MYO3A: variants seen among roughly 807,000 people sequenced by gnomAD.
MYO3A encodes the protein myosin IIIA.
In MYO3A, 180 loss-of-function variants were observed where a neutral mutation model predicts 192.7. The ratio of observed to expected loss-of-function variants is 0.93; its 90% CI spans 0.83 to 1.06. MYO3A has a LOEUF of 1.06. Ranked by LOEUF, MYO3A falls within the 50% of genes least tolerant of loss-of-function variation. The pLI, the probability that MYO3A is intolerant of heterozygous loss-of-function variation, is 0.00. For synonymous variants in MYO3A, 628 were observed against 645.3 expected (o/e 0.97, Z 0.41); for missense variants, 1,896 against 1,905.0 (o/e 1.00, Z 0.09).
intron 31 of MYO3A, among the ~76,000 whole-genome samples, chr10:26,187,734 A>T (rs1470105070): frequency 6.8e-6 from 1 of 146,612 alleles, no homozygotes; most frequent in Admixed American, 7.2e-5. Flanking sequence ...GAGTGAGAAC[A>T]TGCAGTGTTT....
At chr10:25,971,554 A>T (rs1838645251) in intron 4 of MYO3A, among the ~76,000 whole-genome samples, 1 of 152,086 alleles carries the variant, frequency 6.6e-6, no homozygotes, top group South Asian at 2.1e-4. Flanking sequence ...GAGTTCTGTC[A>T]ATTTTGTTTA....
In MYO3A at chr10:26,125,251, T is replaced by C. The variant is rs151249856; in HGVS notation, c.1904-147T>C. On this transcript the variant is annotated intron_variant, in intron 18 of 34. Coordinates refer to ENST00000642920, the MANE Select transcript of MYO3A (RefSeq NM_017433.5). ...TGATCAAGAAGAGACATAGGACTCA[T>C]GTTGGATAGTATCATATTTTTACAT... is the stretch of plus-strand genomic sequence containing the variant. 6,351 of 781,620 alleles carry C rather than the reference T, an allele frequency of 8.1e-3. 37 individuals carry two copies. Among genetic ancestry groups the C allele is most frequent in the Non-Finnish European group, 0.011 (5,015 of 462,364 alleles). 48.4% of individuals were successfully genotyped at this position (781,620 alleles called of 1,614,324 possible). A position where few individuals can be genotyped will look rare whatever the true frequency, so the allele number is the denominator to read the frequency against.
intron 34 of MYO3A, among the ~76,000 whole-genome samples, chr10:26,206,275 G>A (rs1208184856): frequency 6.6e-6 from 1 of 150,576 alleles, no homozygotes; most frequent in Non-Finnish European, 1.5e-5. Flanking sequence ...TGGCCAGGCT[G>A]GTCTTGAACT....
chr10:26,144,695 CTG>C (rs914457447), intron 21 of MYO3A, among the ~76,000 whole-genome samples: 5 of 152,272 alleles, frequency 3.3e-5, no homozygotes, highest in Admixed American at 2.6e-4. Context: ...TGACATCAAA[CTG>C]TGTTTTACAA....
chr10:26,179,218 C>T (rs939724650), intron 31 of MYO3A, among the ~76,000 whole-genome samples: 5 of 150,810 alleles, frequency 3.3e-5, no homozygotes, highest in African/African-American at 1.2e-4. Context: ...CCTGCCTCAG[C>T]CTCCCCAGTA....
intron 3 of MYO3A, among the ~76,000 whole-genome samples, 185 bp downstream of exon 3, chr10:25,952,463 TA>T (rs1837270409): frequency 6.6e-6 from 1 of 152,120 alleles, no homozygotes; most frequent in African/African-American, 2.4e-5. Flanking sequence ...GTATATGTAA[TA>T]AGGCACAATA....
At chr10:26,037,020 G>A (rs935389537) in intron 10 of MYO3A, among the ~76,000 whole-genome samples, 1 of 151,948 alleles carries the variant, frequency 6.6e-6, no homozygotes, top group African/African-American at 2.4e-5. Context: ...CCGTCTATTA[G>A]TCTTGCCATG....
At chr10:26,080,634 G>A (rs1835867285) in intron 14 of MYO3A, among the ~76,000 whole-genome samples, 2 of 149,550 alleles carry the variant, frequency 1.3e-5, no homozygotes, top group South Asian at 4.3e-4. Context: ...GCCTTGTTTT[G>A]TCATATTACC....
intron 14 of MYO3A, among the ~76,000 whole-genome samples, chr10:26,081,477 G>A (rs374234644): frequency 1.1e-4 from 17 of 152,208 alleles, no homozygotes; most frequent in African/African-American, 3.6e-4. Context: ...AAAACCTGCC[G>A]CAGGCTATCC....
At chr10:26,154,470 A>G (rs748872354) in intron 24 of MYO3A, among the ~76,000 whole-genome samples, 1 of 152,156 alleles carries the variant, frequency 6.6e-6, no homozygotes, top group Non-Finnish European at 1.5e-5. Context: ...ATGAGCCACC[A>G]TGCCTAGCCC....
intron 10 of MYO3A, among the ~76,000 whole-genome samples, chr10:26,053,179 A>G (rs552747822): frequency 1.4e-4 from 21 of 146,514 alleles, no homozygotes; most frequent in Non-Finnish European, 2.3e-4. Flanking sequence ...TTATCTTGAA[A>G]CATATTTAAT....
intron 14 of MYO3A, among the ~76,000 whole-genome samples, chr10:26,075,425 T>C (rs12268184): frequency 0.69 from 104,200 of 151,006 alleles, 36,143 homozygotes; most frequent in Middle Eastern, 0.76. Flanking sequence ...TCCCTTGCCC[T>C]GCTCCAGTTC....
At chr10:26,159,609 G>C (rs533616325) in intron 26 of MYO3A, among the ~76,000 whole-genome samples, 1 of 152,068 alleles carries the variant, frequency 6.6e-6, no homozygotes, top group South Asian at 2.1e-4. Flanking sequence ...TTGATCTCCT[G>C]ACCTCGTGAT....
intron 14 of MYO3A, among the ~76,000 whole-genome samples, chr10:26,084,750 C>T (rs915083430): frequency 1.3e-5 from 2 of 152,188 alleles, no homozygotes; most frequent in Admixed American, 1.3e-4. Flanking sequence ...GCTGTCCTCC[C>T]ATCTTGGCCT....
At chr10:26,200,665 G>A (rs572241496) in intron 32 of MYO3A, among the ~76,000 whole-genome samples, 7 of 152,112 alleles carry the variant, frequency 4.6e-5, no homozygotes, top group African/African-American at 7.2e-5. Flanking sequence ...CCATATTTGC[G>A]TATCTTAATT....
In MYO3A at chr10:26,212,026, A is replaced by C; in HGVS notation, c.*63A>C. The C allele has an allele frequency of 6.3e-7, 1 of 1,580,144 alleles. No homozygotes were observed. The highest frequency in any genetic ancestry group is 8.6e-7 in the Non-Finnish European group (1 of 1,159,844). On this transcript the variant is annotated 3_prime_UTR_variant, in exon 35 of 35. Transcript: ENST00000642920. ...GGAGCCTGCGGGGCAGCAGGGGCCAAGCAGGCACTCTGGGGCTGGCACCAG... is the reference window on the plus strand; with the variant it reads ...GGAGCCTGCGGGGCAGCAGGGGCCACGCAGGCACTCTGGGGCTGGCACCAG...
chr10:26,114,913 A>G (rs987544591), intron 17 of MYO3A, among the ~76,000 whole-genome samples: 3 of 152,256 alleles, frequency 2.0e-5, no homozygotes, highest in African/African-American at 7.2e-5. Flanking sequence ...TGGGGTGGAA[A>G]AATGAACACC....
In MYO3A at chr10:26,153,988, A is replaced by G. The variant is rs529696786; in HGVS notation, c.2715+59A>G. 2.7e-4 allele frequency: 323 copies of G among 1,183,550 alleles called. 1 individual carries two copies. The highest frequency in any genetic ancestry group is 4.0e-4 in the Non-Finnish European group (314 of 793,788). The allele number at this position is 1,183,550 out of a possible 1,614,324, so 73.3% of individuals were successfully genotyped here. ...TAAGAATCTAACCGGTATGATGGCA[A>G]TATTTGTATGCTTCTCAAAGTCAAC... is the stretch of plus-strand genomic sequence containing the variant. On this transcript the variant is annotated intron_variant, in intron 24 of 34. Transcript: ENST00000642920.
chr10:26,108,940 G>C (rs957597600), intron 17 of MYO3A, among the ~76,000 whole-genome samples: 2 of 152,192 alleles, frequency 1.3e-5, no homozygotes, highest in Non-Finnish European at 2.9e-5. Context: ...GGTAAATCCA[G>C]TGCCATCTTT....
Sources: gnomAD v4.1 joint callset for allele counts (sites outside exome capture counted in the v4.1 genomes callset) on GRCh38, gnomAD v4.1.1 for gene constraint, MANE v1.5 for transcripts, NCBI Gene and HGNC (gene_info 2026-07-23, HGNC 2026-07-21) for gene names.